The following SHISA9 variants were observed in gnomAD, a reference collection of about 807,000 sequenced individuals.
The protein encoded by SHISA9 is protein shisa-9.
SHISA9 carries 13 observed loss-of-function variants against 38.0 expected under a neutral mutation model. The observed-to-expected ratio is 0.34, with a 90% CI of 0.22 to 0.54. The LOEUF is 0.54. Among genes scored for constraint, SHISA9 ranks in the 20% least tolerant of loss-of-function variants. SHISA9 has a pLI of 0.91. For synonymous variants in SHISA9, 275 were observed against 242.0 expected, an observed-to-expected ratio of 1.14 and a Z score of -1.27; for missense variants, 538 against 575.8, an observed-to-expected ratio of 0.93 and a Z score of 0.67.
At chr16:13,388,027 TG>T in the SHISA9 span, among the ~76,000 whole-genome samples, 2 of 152,170 alleles carry the variant, frequency 1.3e-5, no homozygotes, top group Non-Finnish European at 2.9e-5. Context: ...CTACAAGCCT[TG>T]GTATTTCCAT....
chr16:13,446,585 A>C, the SHISA9 span, among the ~76,000 whole-genome samples: 1 of 152,172 alleles, frequency 6.6e-6, no homozygotes, highest in African/African-American at 2.4e-5. Context: ...TAGAAGGATT[A>C]ATAGGAGTTA....
chr16:13,314,969 T>C, the SHISA9 span, among the ~76,000 whole-genome samples: 1 of 151,268 alleles, frequency 6.6e-6, no homozygotes, highest in Non-Finnish European at 1.5e-5. Context: ...GGGTAGATCT[T>C]CTGTTAAGTG....
intron 2 of SHISA9, among the ~76,000 whole-genome samples, chr16:13,015,130 A>T (rs1305313973): frequency 6.6e-6 from 1 of 152,246 alleles, no homozygotes; most frequent in Non-Finnish European, 1.5e-5. Flanking sequence ...GCCACACTGC[A>T]GCCTATGGGC....
chr16:13,105,131 C>T (rs781632885), intron 2 of SHISA9, among the ~76,000 whole-genome samples: 31 of 152,258 alleles, frequency 2.0e-4, no homozygotes, highest in Admixed American at 3.9e-4. Context: ...TACTATTATA[C>T]GCTCAATAAA....
At chr16:13,258,881 G>T in the SHISA9 span, among the ~76,000 whole-genome samples, 4 of 152,066 alleles carry the variant, frequency 2.6e-5, no homozygotes, top group African/African-American at 7.2e-5. Flanking sequence ...TTAAGATTTG[G>T]GTGGGGACAC....
chr16:13,337,683 T>A, the SHISA9 span, among the ~76,000 whole-genome samples: 1 of 152,206 alleles, frequency 6.6e-6, no homozygotes, highest in African/African-American at 2.4e-5. Context: ...GTGTCCCCAC[T>A]CAAATCTCAT....
At chr16:13,274,658 A>C in the SHISA9 span, among the ~76,000 whole-genome samples, 2 of 152,088 alleles carry the variant, frequency 1.3e-5, no homozygotes, top group Non-Finnish European at 2.9e-5. Context: ...AGGGAAGAGA[A>C]AGCTCCTGAT....
chr16:13,333,974 G>A, the SHISA9 span, among the ~76,000 whole-genome samples: 1 of 152,186 alleles, frequency 6.6e-6, no homozygotes, highest in Non-Finnish European at 1.5e-5. Flanking sequence ...GAAGCTAAAA[G>A]GATCAACATT....
intron 2 of SHISA9, among the ~76,000 whole-genome samples, chr16:12,947,146 G>A (rs1256406374): frequency 6.6e-6 from 1 of 152,198 alleles, no homozygotes; most frequent in Non-Finnish European, 1.5e-5. Context: ...GGGAAATGGC[G>A]AGGTTTGGGT....
chr16:12,903,357 G>A (rs974506628), intron 1 of SHISA9, among the ~76,000 whole-genome samples: 62 of 152,164 alleles, frequency 4.1e-4, no homozygotes, highest in African/African-American at 1.4e-3. Flanking sequence ...GACTCCGGGG[G>A]CCCGAGCCCC....
At chr16:13,483,967 T>A in the SHISA9 span, among the ~76,000 whole-genome samples, 1 of 152,150 alleles carries the variant, frequency 6.6e-6, no homozygotes, top group Non-Finnish European at 1.5e-5. Context: ...CAAGGAGGGA[T>A]TCTTGGGAAC....
At chr16:13,260,045 C>T in the SHISA9 span, among the ~76,000 whole-genome samples, 232 of 56,904 alleles carry the variant, frequency 4.1e-3, no homozygotes, top group Middle Eastern at 0.021. Context: ...GAGACAGGGT[C>T]TTGCTCTGTC....
intron 2 of SHISA9, among the ~76,000 whole-genome samples, chr16:13,116,935 C>T (rs1269540534): frequency 6.6e-6 from 1 of 152,168 alleles, no homozygotes; most frequent in Admixed American, 6.5e-5. Flanking sequence ...AGCAATACGT[C>T]CCAGTGGTAT....
At chr16:13,481,322 A>C in the SHISA9 span, among the ~76,000 whole-genome samples, 1 of 152,164 alleles carries the variant, frequency 6.6e-6, no homozygotes, top group Non-Finnish European at 1.5e-5. Context: ...TGTTGGGTAC[A>C]TTGAAGGTCT....
chr16:12,970,953 A>G (rs1358426543), intron 2 of SHISA9, among the ~76,000 whole-genome samples: 2 of 152,170 alleles, frequency 1.3e-5, no homozygotes, highest in East Asian at 1.9e-4. Context: ...AGGCACTCGC[A>G]AAGTATTTGT....
At chr16:13,092,543 C>T (rs2073785694) in intron 2 of SHISA9, among the ~76,000 whole-genome samples, 4 of 152,234 alleles carry the variant, frequency 2.6e-5, no homozygotes, top group Admixed American at 1.3e-4. Context: ...CGCCTCTCTC[C>T]CAGCCAGGCT....
the SHISA9 span, among the ~76,000 whole-genome samples, chr16:13,493,077 A>G: frequency 6.6e-6 from 1 of 152,214 alleles, no homozygotes; most frequent in Non-Finnish European, 1.5e-5. Flanking sequence ...AAGGGGGAAA[A>G]GTGGAGGAGA....
intron 3 of SHISA9, among the ~76,000 whole-genome samples, chr16:13,207,580 C>A (rs1002133454): frequency 2.6e-5 from 4 of 151,868 alleles, no homozygotes; most frequent in African/African-American, 9.7e-5. Flanking sequence ...GGTTGATGTA[C>A]CCCCTCCTGT....
At chr16:13,208,450 T>C (rs1288531874) in intron 3 of SHISA9, among the ~76,000 whole-genome samples, 1 of 148,674 alleles carries the variant, frequency 6.7e-6, no homozygotes, top group East Asian at 1.9e-4. Context: ...TTTCTTTTTT[T>C]TTTTTTTTGA....
Sources: gnomAD v4.1 joint callset for allele counts (sites outside exome capture counted in the v4.1 genomes callset) on GRCh38, gnomAD v4.1.1 for gene constraint, MANE v1.5 for transcripts, NCBI Gene and HGNC (gene_info 2026-07-23, HGNC 2026-07-21) for gene names.